Variants in SPATS1 observed in about 807,000 individuals in gnomAD.
SPATS1 encodes spermatogenesis associated serine rich 1, also known as spermatogenesis-associated serine-rich protein 1.
SPATS1 carries 23 observed loss-of-function variants against 33.6 expected under a neutral mutation model. That is an observed-to-expected ratio of 0.68 (90% CI 0.49 to 0.97). SPATS1 has a LOEUF of 0.97. Among genes scored for constraint, SPATS1 ranks in the 50% least tolerant of loss-of-function variants. The pLI, the probability that SPATS1 is intolerant of heterozygous loss-of-function variation, is 0.00. For synonymous variants in SPATS1, 131 were observed against 125.6 expected (o/e 1.04, Z -0.29); for missense variants, 327 against 361.0 (o/e 0.91, Z 0.76).
Position 44,361,374 on chromosome 6 carries a change from G to A in SPATS1, c.413-457G>A, listed in dbSNP as rs1228431533. ...ATTTCCCGGTGTCACCGTAGCACATGCGCGTGCTATTGTTGCAGCCAACAC... is the reference window on the plus strand; with the variant it reads ...ATTTCCCGGTGTCACCGTAGCACATACGCGTGCTATTGTTGCAGCCAACAC... On this transcript the variant is annotated intron_variant, in intron 4 of 8. Coordinates refer to ENST00000674044, the MANE Select transcript of SPATS1 (RefSeq NM_001372081.1). 4 of 985,386 alleles carry A rather than the reference G, an allele frequency of 4.1e-6. No individual in the cohort carries two copies. The East Asian group carries it at 3.4e-4, about 84-fold the overall frequency. The allele number at this position is 985,386 out of a possible 1,614,324, so 61.0% of individuals were successfully genotyped here. A position where few individuals can be genotyped will look rare whatever the true frequency, so the allele number is the denominator to read the frequency against.
At chr6:44,356,135 A>T (rs1788575656) in intron 3 of SPATS1, among the ~76,000 whole-genome samples, 1 of 152,006 alleles carries the variant, frequency 6.6e-6, no homozygotes, top group African/African-American at 2.4e-5. Context: ...ACTTCTCATC[A>T]CCCATCCTTA....
chr6:44,376,901 G>A (rs1466268085), intron 8 of SPATS1, 134 bp from the exon 9 acceptor site: 9 of 935,064 alleles, frequency 9.6e-6, no homozygotes, highest in Non-Finnish European at 1.6e-5. Context: ...ATCTCCTGGA[G>A]TGGATGTGTC....
At chr6:44,351,138 A>AG (rs1236732779) in intron 2 of SPATS1, among the ~76,000 whole-genome samples, 4 of 150,236 alleles carry the variant, frequency 2.7e-5, no homozygotes, top group Admixed American at 2.7e-4. Flanking sequence ...AAAAAAAAAA[A>AG]AAAAAAGAAA....
In SPATS1 at chr6:44,343,100, G is replaced by C; in HGVS notation, c.5G>C (p.Ser2Thr). Residue 2 changes from serine to threonine, a missense_variant, in exon 2 of 9, where the codon AGT (serine) becomes ACT (threonine). Transcript: ENST00000674044. ...TTAAAATCATCATGGGCACAGATGA[G>C]TCCATCCATGCTCACTGGAAACAGT... M[S>T]PSMLTGNSPR... The C allele has an allele frequency of 6.2e-7, 1 of 1,614,138 alleles. No homozygotes were observed. The highest frequency in any genetic ancestry group is 8.5e-7 in the Non-Finnish European group (1 of 1,180,006).
chr6:44,358,690 AC>A (rs1422000855), intron 3 of SPATS1, among the ~76,000 whole-genome samples: 1 of 152,144 alleles, frequency 6.6e-6, no homozygotes, highest in Non-Finnish European at 1.5e-5. Context: ...AGAAATCCAT[AC>A]CCTTTAGCAA....
At chr6:44,351,384 C>T (rs1009088462) in intron 2 of SPATS1, among the ~76,000 whole-genome samples, 1 of 151,990 alleles carries the variant, frequency 6.6e-6, no homozygotes, top group South Asian at 2.1e-4. Context: ...GAACCAATCC[C>T]CCGTCGATAC....
rs528095857 is a variant in SPATS1, at chr6:44,364,976, A to C, written c.574+2984A>C. Among the ~76,000 whole-genome samples, 9 of 152,038 alleles carry C rather than the reference A, an allele frequency of 5.9e-5. No homozygotes were observed. The East Asian group carries it at 1.4e-3, about 23-fold the overall frequency. On this transcript the variant is annotated intron_variant, in intron 5 of 8. Transcript: ENST00000674044. The stretch of plus-strand genomic sequence containing the variant: ...GGCTAATTCTTGTCTTTTAGTAGAG[A>C]CAGGGTTTCACCATGTTGGCCAGGC...
chr6:44,356,616 C>T (rs1419195886), intron 3 of SPATS1, among the ~76,000 whole-genome samples: 1 of 152,148 alleles, frequency 6.6e-6, no homozygotes. Flanking sequence ...GGATTCACTT[C>T]CTCACAGGCT....
intron 2 of SPATS1, among the ~76,000 whole-genome samples, chr6:44,349,372 T>A (rs1192374811): frequency 1.3e-5 from 2 of 149,186 alleles, no homozygotes; most frequent in African/African-American, 2.5e-5. Flanking sequence ...CAGTATTAGG[T>A]GGAAAGTGTG....
intron 4 of SPATS1, among the ~76,000 whole-genome samples, chr6:44,361,020 A>G (rs1788887236): frequency 6.6e-6 from 1 of 152,178 alleles, no homozygotes; most frequent in Non-Finnish European, 1.5e-5. Flanking sequence ...ATATAGATCT[A>G]TATGGTTAAT....
chr6:44,377,029 C>A lies in SPATS1; in HGVS notation c.875-6C>A, dbSNP rs377765579. On this transcript the variant is annotated splice_region_variant and splice_polypyrimidine_tract_variant and intron_variant, in intron 8 of 8. Transcript: ENST00000674044. Reference sequence around the variant, plus strand: ...AAAACCTGTAACTCCATGCCTCTATCCACAGGTGCTTTGGACTTTCCAAGA... The same window carrying A: ...AAAACCTGTAACTCCATGCCTCTATACACAGGTGCTTTGGACTTTCCAAGA... The A allele has an allele frequency of 2.3e-5, 37 of 1,614,186 alleles. No individual in the cohort carries two copies. In the African/African-American group the frequency reaches 2.7e-4, roughly 12 times the overall value.
chr6:44,348,343 C>G (rs1296629460), intron 2 of SPATS1, among the ~76,000 whole-genome samples: 3 of 152,074 alleles, frequency 2.0e-5, no homozygotes, highest in Non-Finnish European at 4.4e-5. Context: ...CCTTGTTTAT[C>G]TGCATTATCA....
intron 3 of SPATS1, among the ~76,000 whole-genome samples, chr6:44,358,596 C>G (rs62401171): frequency 0.019 from 2,952 of 152,248 alleles, 46 homozygotes; most frequent in Middle Eastern, 0.054. Context: ...AAACTGTGCA[C>G]ACAACTCGAT....
At chr6:44,344,219 G>A (rs542525966) in intron 2 of SPATS1, among the ~76,000 whole-genome samples, 3 of 152,150 alleles carry the variant, frequency 2.0e-5, no homozygotes, top group African/African-American at 7.2e-5. Context: ...CCATGTTTTC[G>A]AGTTAGGGGT....
chr6:44,368,009 C>T (rs1439206124), intron 5 of SPATS1, among the ~76,000 whole-genome samples: 3 of 152,206 alleles, frequency 2.0e-5, no homozygotes, highest in Non-Finnish European at 4.4e-5. Flanking sequence ...CTTGTTTCTT[C>T]GGCTTCCTAA....
intron 5 of SPATS1, among the ~76,000 whole-genome samples, chr6:44,367,116 C>T (rs1315355753): frequency 6.6e-6 from 1 of 152,182 alleles, no homozygotes; most frequent in Admixed American, 6.5e-5. Context: ...GAGACAGAGT[C>T]TCATTCTATT....
At chr6:44,344,360 G>A (rs1241924187) in intron 2 of SPATS1, among the ~76,000 whole-genome samples, 3 of 151,576 alleles carry the variant, frequency 2.0e-5, no homozygotes, top group Admixed American at 2.0e-4. Flanking sequence ...ATTTCAGCAA[G>A]GAAGGGGCTC....
At chr6:44,361,512 A>G (rs1788919281) in intron 4 of SPATS1, 1 of 985,308 alleles carries the variant, frequency 1.0e-6, no homozygotes, top group Admixed American at 6.2e-5. Context: ...TATCACAGGT[A>G]CTTGTAAGAC....
chr6:44,347,066 C>T (rs1428083654), intron 2 of SPATS1, among the ~76,000 whole-genome samples: 3 of 152,158 alleles, frequency 2.0e-5, no homozygotes, highest in Non-Finnish European at 2.9e-5. Flanking sequence ...GAGTTCATGT[C>T]CTTTGCAGGG....
Sources: gnomAD v4.1 joint callset for allele counts (sites outside exome capture counted in the v4.1 genomes callset) on GRCh38, gnomAD v4.1.1 for gene constraint, MANE v1.5 for transcripts, NCBI Gene and HGNC (gene_info 2026-07-23, HGNC 2026-07-21) for gene names.